HECTD4: variants seen among roughly 807,000 people sequenced by gnomAD.
HECTD4 encodes the protein probable E3 ubiquitin-protein ligase HECTD4.
A neutral mutation model predicts 471.5 loss-of-function variants in HECTD4; 114 were observed. The ratio of observed to expected loss-of-function variants is 0.24; its 90% CI spans 0.21 to 0.28. The LOEUF (loss-of-function observed/expected upper bound fraction) is 0.28. Ranked by LOEUF, HECTD4 falls within the 10% of genes least tolerant of loss-of-function variation. HECTD4 has a pLI of 1.00. For synonymous variants in HECTD4, 2,012 were observed against 2,256.0 expected (o/e 0.89, Z 3.07); for missense variants, 3,866 against 5,651.5 (o/e 0.68, Z 10.13).
rs2033305998 is a variant in HECTD4 at position 112,228,880 on chromosome 12, A to T, written c.6520-69T>A. The T allele has an allele frequency of 7.0e-7, 1 of 1,433,160 alleles. No homozygotes were observed. Among genetic ancestry groups the T allele is most frequent in the African/African-American group, 1.4e-5 (1 of 69,632 alleles). 88.8% of individuals were successfully genotyped at this position (1,433,160 alleles called of 1,614,324 possible). ...GTGGGCAGCTGTCTTACGAGACAAGAGGAAAAAGTAAATTTATAGTTGTCA... is the reference window on the plus strand; with the variant it reads ...GTGGGCAGCTGTCTTACGAGACAAGTGGAAAAAGTAAATTTATAGTTGTCA... On this transcript the variant is annotated intron_variant, in intron 41 of 75. Coordinates refer to ENST00000682272, the MANE Select transcript of HECTD4 (RefSeq NM_001388303.1). The surrounding 1 kb of genome is among the most constrained non-coding windows in gnomAD (Gnocchi z 4.9).
At chr12:112,295,263 G>A (rs2034982621) in intron 7 of HECTD4, among the ~76,000 whole-genome samples, 1 of 151,940 alleles carries the variant, frequency 6.6e-6, no homozygotes, top group African/African-American at 2.4e-5. Context: ...AGGGCAAAGA[G>A]GATAGGGAGG....
intron 1 of HECTD4, among the ~76,000 whole-genome samples, chr12:112,345,167 T>C (rs2135730516): frequency 6.6e-6 from 1 of 151,672 alleles, no homozygotes; most frequent in Admixed American, 6.6e-5. Context: ...GCAAGAGGAT[T>C]ACTTGAGCCT....
Position 112,248,118 on chromosome 12 carries a change from C to G in HECTD4, c.4197G>C (p.Gln1399His), listed in dbSNP as rs2033802031. The G allele has an allele frequency of 6.2e-7, 1 of 1,613,514 alleles. No individual in the cohort carries two copies. The change falls in exon 27 of 76, where the codon CAG becomes CAC. Residue 1399 changes from glutamine to histidine, a missense_variant. By Grantham distance (24) the Gln-to-His change is conservative. Transcript: ENST00000682272. ...KWQSEVDDAM[Q>H]GKLENNMPFF... ...AAGGCATGTTGTTCTCCAGTTTCCC[C>G]TGCATGGCATCATCAACTTCACTTT...
Position 112,171,192 on chromosome 12 carries a change from A to C in HECTD4, c.11857T>G (p.Phe3953Val), listed in dbSNP as rs1031452796. ...TGGCGCAGCTCCACCAGGGGCAGGAAGAAGGTCTCCAGTGTGGTGTTGAGG... is the reference window on the plus strand; with the variant it reads ...TGGCGCAGCTCCACCAGGGGCAGGACGAAGGTCTCCAGTGTGGTGTTGAGG... ...QSLNTTLETF[F>V]LPLVELRQTP... Residue 3953 changes from phenylalanine to valine, a missense_variant, in exon 68 of 76, where the codon TTC becomes GTC. By Grantham distance (50) the Phe-to-Val change is conservative. Coordinates refer to ENST00000682272, the MANE Select transcript of HECTD4 (RefSeq NM_001388303.1). The C allele has an allele frequency of 1.2e-6, 2 of 1,613,202 alleles. No individual in the cohort carries two copies. Among genetic ancestry groups the C allele is most frequent in the Non-Finnish European group, 1.7e-6 (2 of 1,179,680 alleles).
At position 112,367,306 on chromosome 12, in the gene HECTD4, A is replaced by AAAAGAAAGAAAGAAAGAAAGAAAG. The variant is rs3031822; in HGVS notation, c.177+14622_177+14645dup. 9.9e-4 allele frequency among the ~76,000 whole-genome samples: 132 copies of AAAAGAAAGAAAGAAAGAAAGAAAG among 133,884 alleles called. 1 individual carries two copies. Among genetic ancestry groups the AAAAGAAAGAAAGAAAGAAAGAAAG allele is most frequent in the African/African-American group, 3.5e-3 (127 of 36,426 alleles). The allele number at this position is 133,884 out of a possible 152,430, so 87.8% of individuals were successfully genotyped here. A position where few individuals can be genotyped will look rare whatever the true frequency, so the allele number is the denominator to read the frequency against. On this transcript the variant is annotated intron_variant, in intron 1 of 75. Coordinates refer to ENST00000682272, the MANE Select transcript of HECTD4 (RefSeq NM_001388303.1). ...AGAGTAAGACTTGGTCTCAAAAAAA[A>AAAAGAAAGAAAGAAAGAAAGAAAG]AAAGAAAGAAAGAAAGAAAGAAAGA...
intron 7 of HECTD4, among the ~76,000 whole-genome samples, chr12:112,295,723 C>T (rs538341583): frequency 6.6e-6 from 1 of 151,264 alleles, no homozygotes; most frequent in African/African-American, 2.4e-5. Flanking sequence ...TTCTCTGCAG[C>T]CTTAAACTCC....
chr12:112,280,949 C>T (rs2034626319), intron 8 of HECTD4, among the ~76,000 whole-genome samples: 1 of 151,828 alleles, frequency 6.6e-6, no homozygotes, highest in South Asian at 2.1e-4. Context: ...CACCATCACA[C>T]CCGGCTAATT....
At chr12:112,233,214 C>CTTTTT (rs546999938) in intron 37 of HECTD4, 129 bp from the exon 38 acceptor site, 35 of 235,698 alleles carry the variant, frequency 1.5e-4, no homozygotes, top group African/African-American at 4.1e-4. Flanking sequence ...CTAACATTAG[C>CTTTTT]TTTTTTTTTT....
In HECTD4 at chr12:112,382,360, C is replaced by G; in HGVS notation, c.-232G>C. 1 of 393,594 alleles carries G rather than the reference C, an allele frequency of 2.5e-6. No homozygotes were observed. Among genetic ancestry groups the G allele is most frequent in the Non-Finnish European group, 4.4e-6 (1 of 228,328 alleles). 24.4% of individuals were successfully genotyped at this position (393,594 alleles called of 1,614,324 possible). A position where few individuals can be genotyped will look rare whatever the true frequency, so the allele number is the denominator to read the frequency against. Reference sequence around the variant, plus strand: ...CCGCCGCCGCCGCCGCCGCCGCCGCCCTCAGGAGCAGGATCCGCCTCTGCC... The same window carrying G: ...CCGCCGCCGCCGCCGCCGCCGCCGCGCTCAGGAGCAGGATCCGCCTCTGCC... On this transcript the variant is annotated 5_prime_UTR_variant, in exon 1 of 76. Coordinates refer to ENST00000682272, the MANE Select transcript of HECTD4 (RefSeq NM_001388303.1).
At chr12:112,196,421 C>T (rs962871445) in intron 55 of HECTD4, among the ~76,000 whole-genome samples, 14 of 152,134 alleles carry the variant, frequency 9.2e-5, no homozygotes, top group Admixed American at 3.9e-4. Context: ...ACACACTTCT[C>T]CTGTCTCCTC....
At chr12:112,354,086 T>A (rs1594068846) in intron 1 of HECTD4, among the ~76,000 whole-genome samples, 1 of 152,240 alleles carries the variant, frequency 6.6e-6, no homozygotes, top group East Asian at 1.9e-4. Flanking sequence ...ATTTTGATTT[T>A]TTTTGAGATA....
chr12:112,312,300 T>C (rs1356543170), intron 4 of HECTD4, among the ~76,000 whole-genome samples: 1 of 152,192 alleles, frequency 6.6e-6, no homozygotes, highest in African/African-American at 2.4e-5. Context: ...CCAGTTACAA[T>C]TAACAAACTG....
At chr12:112,320,935 C>G (rs1016445665) in intron 1 of HECTD4, among the ~76,000 whole-genome samples, 1 of 151,858 alleles carries the variant, frequency 6.6e-6, no homozygotes, top group Non-Finnish European at 1.5e-5. Flanking sequence ...CAACCTCCAC[C>G]TCCCAGGTTC....
At chr12:112,313,557 G>A (rs960488808) in intron 3 of HECTD4, among the ~76,000 whole-genome samples, 6 of 144,860 alleles carry the variant, frequency 4.1e-5, no homozygotes, top group East Asian at 4.3e-4. Context: ...GCGTGATCTC[G>A]GTTCACTGCA....
At position 112,162,903 on chromosome 12, in the gene HECTD4, ATCC is replaced by A; in HGVS notation, c.13120+136_13120+138del. 1 of 705,156 alleles carries A rather than the reference ATCC, an allele frequency of 1.4e-6. No individual in the cohort carries two copies. The highest frequency in any genetic ancestry group is 2.5e-4 in the Middle Eastern group (1 of 3,940). The allele number at this position is 705,156 out of a possible 1,614,324, so 43.7% of individuals were successfully genotyped here. A position where few individuals can be genotyped will look rare whatever the true frequency, so the allele number is the denominator to read the frequency against. On this transcript the variant is annotated intron_variant, in intron 75 of 75. Transcript: ENST00000682272. This position sits in a 1 kb window ranked among gnomAD's most constrained non-coding sequence, Gnocchi z 5.2. ...TATGGCTGGTTCCTGCCGGGCCCTA[ATCC>A]TCAATGATGTCTGAGTTTTGGCACG...
intron 70 of HECTD4, 137 bp downstream of exon 70, chr12:112,169,366 T>A: frequency 9.9e-7 from 1 of 1,014,926 alleles, no homozygotes; most frequent in Non-Finnish European, 1.4e-6. Flanking sequence ...CCACTCTGGG[T>A]GCAGACCTGG....
chr12:112,204,121 C>T (rs1262790991), intron 53 of HECTD4, among the ~76,000 whole-genome samples: 1 of 152,190 alleles, frequency 6.6e-6, no homozygotes, highest in African/African-American at 2.4e-5. Context: ...CGGCTCACTG[C>T]AACCTCCGCC....
At chr12:112,255,835 T>C (rs190823365) in intron 21 of HECTD4, among the ~76,000 whole-genome samples, 40 of 152,228 alleles carry the variant, frequency 2.6e-4, no homozygotes, top group Admixed American at 1.1e-3. Context: ...AAACTACTCT[T>C]CCTCAAAAAA....
chr12:112,313,198 G>A, intron 3 of HECTD4, 51 bp from the exon 4 acceptor site: 27 of 1,470,118 alleles, frequency 1.8e-5, no homozygotes, highest in Non-Finnish European at 2.4e-5. Context: ...ATCCATTTCA[G>A]CAAGAAGTAT....
Sources: allele counts gnomAD v4.1 joint callset (sites outside exome capture counted in the v4.1 genomes callset), GRCh38; gene constraint gnomAD v4.1.1; non-coding constraint Gnocchi (gnomAD v3.1); transcripts MANE v1.5; gene names NCBI Gene and HGNC (gene_info 2026-07-23, HGNC 2026-07-21).